The following SCUBE1 variants were observed in gnomAD, a reference collection of about 807,000 sequenced individuals.
SCUBE1 encodes signal peptide, CUB domain and EGF like domain containing 1.
In SCUBE1, 59 loss-of-function variants were observed where a neutral mutation model predicts 124.4. The ratio of observed to expected loss-of-function variants is 0.47; its 90% confidence interval spans 0.38 to 0.59. The LOEUF (loss-of-function observed/expected upper bound fraction) is 0.59, where lower values mean the gene tolerates loss of function less well. Among genes scored for constraint, SCUBE1 ranks in the 20% least tolerant of loss-of-function variants. SCUBE1 has a pLI of 0.00. For synonymous variants in SCUBE1, 545 were observed against 550.9 expected (o/e 0.99, Z 0.15); for missense variants, 1,150 against 1,371.2 (o/e 0.84, Z 2.55).
intron 4 of SCUBE1, among the ~76,000 whole-genome samples, chr22:43,269,864 C>T (rs533755234): frequency 2.2e-4 from 34 of 152,224 alleles, no homozygotes; most frequent in African/African-American, 4.6e-4. Context: ...AGGGGGAAGG[C>T]GCAGAACAGC....
intron 3 of SCUBE1, among the ~76,000 whole-genome samples, chr22:43,293,115 C>T (rs1241317047): frequency 1.3e-5 from 2 of 152,206 alleles, no homozygotes; most frequent in African/African-American, 4.8e-5. Context: ...GCCTCCCTCC[C>T]CTCCAAGCCT....
intron 4 of SCUBE1, among the ~76,000 whole-genome samples, chr22:43,263,268 C>T (rs553001714): frequency 6.6e-6 from 1 of 152,354 alleles, no homozygotes; most frequent in South Asian, 2.1e-4. Context: ...TCTCCCCTCT[C>T]TGTCTGCCTG....
At chr22:43,212,682 C>T (rs1921621708) in intron 16 of SCUBE1, 90 bp from the exon 17 acceptor site, 2 of 1,403,334 alleles carry the variant, frequency 1.4e-6, no homozygotes, top group Non-Finnish European at 1.9e-6. Flanking sequence ...TTGGCCCTTG[C>T]CCGGCCCTGG....
intron 11 of SCUBE1, 54 bp from the exon 12 acceptor site, chr22:43,222,796 C>G: frequency 7.2e-7 from 1 of 1,394,562 alleles, no homozygotes; most frequent in Non-Finnish European, 1.0e-6. Context: ...TCCCACGGCC[C>G]TCAGATTCTT....
rs913933710 is a variant in SCUBE1 at position 43,199,189 on chromosome 22, A to G, written c.*4808T>C. On this transcript the variant is annotated 3_prime_UTR_variant, in exon 22 of 22. Coordinates refer to ENST00000360835, the MANE Select transcript of SCUBE1 (RefSeq NM_173050.5). ...GAGGTGCTCAGTAAATGTTTGCGAA[A>G]TGACTCAACTTATTTCAGTATCTTA... 4 of 177,744 alleles carry G rather than the reference A, an allele frequency of 2.3e-5. No individual in the cohort carries two copies. Among genetic ancestry groups the G allele is most frequent in the African/African-American group, 1.1e-4 (4 of 37,296 alleles). The allele number at this position is 177,744 out of a possible 1,614,324, so 11.0% of individuals were successfully genotyped here.
In SCUBE1 at chr22:43,199,029, C is replaced by G. The variant is rs117875949; in HGVS notation, c.*4968G>C. The G allele has an allele frequency of 3.1e-5, 6 of 190,912 alleles. No homozygotes were observed. The highest frequency in any genetic ancestry group is 1.2e-4 in the South Asian group (4 of 33,632). The allele number at this position is 190,912 out of a possible 1,614,324, so 11.8% of individuals were successfully genotyped here. A position where few individuals can be genotyped will look rare whatever the true frequency, so the allele number is the denominator to read the frequency against. On this transcript the variant is annotated 3_prime_UTR_variant, in exon 22 of 22. Coordinates refer to ENST00000360835, the MANE Select transcript of SCUBE1 (RefSeq NM_173050.5). ...TCCGGGGCAGTGTGTCTGTTTGTCT[C>G]TCTGCTGTCCAGGGCAATGTGTCTG...
At chr22:43,293,003 C>T (rs1486419060) in intron 3 of SCUBE1, among the ~76,000 whole-genome samples, 1 of 152,214 alleles carries the variant, frequency 6.6e-6, no homozygotes, top group Admixed American at 6.5e-5. Flanking sequence ...GGACTATCCT[C>T]AGCACCTTTC....
rs1208870257 is a variant in SCUBE1, at chr22:43,255,511, C to T, written c.727+2708G>A. On this transcript the variant is annotated intron_variant, in intron 6 of 21. Transcript: ENST00000360835. This position sits in a 1 kb window ranked among gnomAD's most constrained non-coding sequence, Gnocchi z 4.7. ...ACCCATGAGTAGCCGCCGTTTCACC[C>T]GCTTGTCCACATCAGCTACTGACGT... 19 of 1,550,656 alleles carry T rather than the reference C, an allele frequency of 1.2e-5. No individual in the cohort carries two copies. The highest frequency in any genetic ancestry group is 5.9e-5 in the Admixed American group (3 of 51,010).
At chr22:43,269,590 C>T (rs1220675749) in intron 4 of SCUBE1, among the ~76,000 whole-genome samples, 6 of 152,100 alleles carry the variant, frequency 3.9e-5, no homozygotes, top group East Asian at 1.9e-4. Flanking sequence ...AAGCTGGGAA[C>T]GGCAGAGCAG....
At chr22:43,218,094 G>A (rs1251297550) in intron 15 of SCUBE1, among the ~76,000 whole-genome samples, 161 bp downstream of exon 15, 1 of 152,182 alleles carries the variant, frequency 6.6e-6, no homozygotes, top group Non-Finnish European at 1.5e-5. Context: ...AAATGACAGT[G>A]ATGACCATGA....
chr22:43,264,070 C>T (rs1330733560), intron 4 of SCUBE1, among the ~76,000 whole-genome samples: 2 of 152,182 alleles, frequency 1.3e-5, no homozygotes, highest in Non-Finnish European at 2.9e-5. Context: ...GATAAATACG[C>T]CAGCCACGGC....
intron 15 of SCUBE1, among the ~76,000 whole-genome samples, chr22:43,217,288 G>A (rs1305801214): frequency 1.3e-5 from 2 of 151,644 alleles, no homozygotes; most frequent in East Asian, 1.9e-4. Flanking sequence ...ACTTGTGAGC[G>A]TCTCAGACTG....
rs1015823589 is a variant in SCUBE1 at position 43,212,541 on chromosome 22, G to A, written c.2105C>T (p.Ala702Val). The A allele has an allele frequency of 1.3e-5, 21 of 1,563,958 alleles. No individual in the cohort carries two copies. In the African/African-American group the frequency reaches 1.4e-4, roughly 10 times the overall value. ...AGGCTGGTACGTGCCCACGGGGCAG[G>A]CCTGGCAGGGCTTGAAGCCATCGGC... is the stretch of plus-strand genomic sequence containing the variant. ...FSADGFKPCQ[A>V]CPVGTYQPEP... is the part of the protein sequence containing the mutation. Residue 702 changes from alanine (A) to valine (V), a missense_variant, in exon 17 of 22, where the codon GCC becomes GTC. Physicochemically the swap from Ala to Val is moderately conservative, Grantham distance 64. Coordinates refer to ENST00000360835, the MANE Select transcript of SCUBE1 (RefSeq NM_173050.5).
chr22:43,275,568 A>G lies in SCUBE1; in HGVS notation c.485-12723T>C, dbSNP rs562190807. Among the ~76,000 whole-genome samples the G allele has an allele frequency of 2.5e-3, 384 of 152,358 alleles. 3 individuals are homozygous for G. Among genetic ancestry groups the G allele is most frequent in the African/African-American group, 8.6e-3 (356 of 41,576 alleles). ...TGCAGTAGAGGGCTGAACCATTTCA[A>G]ACACATGAGTGCAAGTAAAGAGGAA... On this transcript the variant is annotated intron_variant, in intron 4 of 21. Coordinates refer to ENST00000360835, the MANE Select transcript of SCUBE1 (RefSeq NM_173050.5).
Position 43,327,096 on chromosome 22 carries a change from T to C in SCUBE1, c.221-7031A>G, listed in dbSNP as rs141662972. On this transcript the variant is annotated intron_variant, in intron 2 of 21. Transcript: ENST00000360835. ...AGGCATCCTCTGGGCATTGCATGAA[T>C]GAACAATCACGACGGTGGCCTTGCT... is the stretch of plus-strand genomic sequence containing the variant. Among the ~76,000 whole-genome samples, 297 of 152,310 alleles carry C rather than the reference T, an allele frequency of 1.9e-3. 5 individuals carry two copies. Among genetic ancestry groups the C allele is most frequent in the Middle Eastern group, 0.01 (3 of 294 alleles).
intron 8 of SCUBE1, among the ~76,000 whole-genome samples, chr22:43,230,200 G>C (rs1922495092): frequency 6.6e-6 from 1 of 152,114 alleles, no homozygotes. Context: ...CCAGGCAGTG[G>C]CTAGGAGGTA....
chr22:43,314,493 C>T (rs1449945585), intron 3 of SCUBE1, among the ~76,000 whole-genome samples: 3 of 152,146 alleles, frequency 2.0e-5, no homozygotes, highest in African/African-American at 7.2e-5. Context: ...CCCCCTGACC[C>T]CACCACCATG....
intron 7 of SCUBE1, chr22:43,237,899 G>C (rs1922833457): frequency 6.6e-6 from 1 of 152,336 alleles, no homozygotes; most frequent in African/African-American, 2.4e-5. Flanking sequence ...GGGTGGTCTG[G>C]AGTGATGCTG....
intron 3 of SCUBE1, among the ~76,000 whole-genome samples, chr22:43,301,816 T>C (rs995829739): frequency 1.3e-5 from 2 of 152,318 alleles, no homozygotes; most frequent in Non-Finnish European, 2.9e-5. Flanking sequence ...GCGGACTGGA[T>C]AACGGACTGA....
Sources: allele counts gnomAD v4.1 joint callset (sites outside exome capture counted in the v4.1 genomes callset), GRCh38; gene constraint gnomAD v4.1.1; non-coding constraint Gnocchi (gnomAD v3.1); transcripts MANE v1.5; gene names NCBI Gene and HGNC (gene_info 2026-07-23, HGNC 2026-07-21).